Variants in SCML4 observed in about 807,000 individuals in gnomAD.
SCML4 encodes Scm polycomb group protein like 4, also known as sex comb on midleg-like protein 4.
A neutral mutation model predicts 41.1 loss-of-function variants in SCML4; 34 were observed. That is an observed-to-expected ratio of 0.83 (90% CI 0.63 to 1.10). The LOEUF is 1.10. SCML4 is among the 50% of genes least tolerant of loss of function. The pLI is 0.00. For missense variants in SCML4, 522 were observed against 534.1 expected, an observed-to-expected ratio of 0.98 and a Z score of 0.22; for synonymous variants, 214 against 220.9, an observed-to-expected ratio of 0.97 and a Z score of 0.28.
At chr6:107,711,721 A>G (rs373289730) in intron 6 of SCML4, among the ~76,000 whole-genome samples, 1 of 152,224 alleles carries the variant, frequency 6.6e-6, no homozygotes, top group Non-Finnish European at 1.5e-5. Context: ...AAGGCTAGAA[A>G]AAAGACAAGG....
At chr6:107,786,273 T>C (rs1772085306) in intron 1 of SCML4, among the ~76,000 whole-genome samples, 1 of 152,200 alleles carries the variant, frequency 6.6e-6, no homozygotes, top group Admixed American at 6.5e-5. Context: ...CATTACTTGT[T>C]CTTTGCTCAG....
the SCML4 span, among the ~76,000 whole-genome samples, chr6:107,841,156 TAA>T: frequency 8.9e-3 from 1,322 of 148,924 alleles, 12 homozygotes; most frequent in African/African-American, 0.019. Context: ...TATAAACTGC[TAA>T]AAAAAAAAAA....
At chr6:107,716,062 C>T (rs761539767) in intron 6 of SCML4, among the ~76,000 whole-genome samples, 14 of 152,274 alleles carry the variant, frequency 9.2e-5, no homozygotes, top group African/African-American at 2.2e-4. Context: ...TGGGTGAGGA[C>T]GCTGGCGGTT....
chr6:107,806,026 C>G (rs1057217935), intron 1 of SCML4, among the ~76,000 whole-genome samples: 18 of 152,158 alleles, frequency 1.2e-4, no homozygotes, highest in African/African-American at 3.4e-4. Context: ...CTTCTCTTCC[C>G]TTGTTTCCTC....
chr6:107,733,370 T>C (rs561124437), intron 5 of SCML4, among the ~76,000 whole-genome samples: 13 of 152,346 alleles, frequency 8.5e-5, no homozygotes, highest in Non-Finnish European at 1.8e-4. Context: ...ATCTGCCCAC[T>C]TCTCTGCCAG....
chr6:107,826,040 T>C (rs770680030), upstream of SCML4, among the ~76,000 whole-genome samples: 3 of 151,122 alleles, frequency 2.0e-5, no homozygotes, highest in Non-Finnish European at 4.4e-5. Flanking sequence ...GGTTAGGAGT[T>C]CGAGACCAGA....
intron 1 of SCML4, among the ~76,000 whole-genome samples, chr6:107,780,442 T>A (rs1296889704): frequency 6.6e-6 from 1 of 152,198 alleles, no homozygotes. Context: ...GTGTGGTGAC[T>A]CATGCCTGTA....
At chr6:107,749,563 C>T in intron 3 of SCML4, 121 bp downstream of exon 3, 1 of 1,183,870 alleles carries the variant, frequency 8.4e-7, no homozygotes, top group Non-Finnish European at 1.2e-6. Context: ...AGCTAGCACA[C>T]TAAATCGCTC....
chr6:107,723,310 T>A lies in SCML4; in HGVS notation c.683-2317A>T, dbSNP rs112503662. On this transcript the variant is annotated intron_variant, in intron 5 of 7. Coordinates refer to ENST00000369020, the MANE Select transcript of SCML4 (RefSeq NM_198081.5). ...TGACCTCAAACATGCTCAGAACACT[T>A]ACATTAGCCTACAGTTGGACAAAAT... 1.1e-3 allele frequency among the ~76,000 whole-genome samples: 161 copies of A among 152,306 alleles called. 3 individuals are homozygous for A. The highest frequency in any genetic ancestry group is 3.7e-3 in the African/African-American group (152 of 41,582).
chr6:107,800,203 T>A (rs746168915), intron 1 of SCML4, among the ~76,000 whole-genome samples: 5 of 152,204 alleles, frequency 3.3e-5, no homozygotes, highest in Non-Finnish European at 7.4e-5. Context: ...GGTAACATTT[T>A]CCGCCTTCTT....
At chr6:107,752,507 C>T (rs141906764) in intron 2 of SCML4, among the ~76,000 whole-genome samples, 47 of 151,900 alleles carry the variant, frequency 3.1e-4, no homozygotes, top group African/African-American at 8.9e-4. Context: ...GATTCCAACA[C>T]GAAGAGCCTG....
chr6:107,787,066 G>A (rs923484060), intron 1 of SCML4, among the ~76,000 whole-genome samples: 1 of 152,198 alleles, frequency 6.6e-6, no homozygotes, highest in Non-Finnish European at 1.5e-5. Context: ...CTGTCTCCCT[G>A]TGTCGGCCCT....
rs1486285607 is a variant in SCML4, at chr6:107,704,030, G to A, written c.*1170C>T. ...TCCGTCTCTGGACACAGCTGCAAAG[G>A]AGCAGAAAATCAATTTTTTCTATTA... On this transcript the variant is annotated 3_prime_UTR_variant, in exon 8 of 8. Transcript: ENST00000369020. 6.6e-6 allele frequency: 1 copy of A among 152,188 alleles called. No individual in the cohort carries two copies. Among genetic ancestry groups the A allele is most frequent in the African/African-American group, 2.4e-5 (1 of 41,446 alleles). 9.4% of individuals were successfully genotyped at this position (152,188 alleles called of 1,614,324 possible). A position where few individuals can be genotyped will look rare whatever the true frequency, so the allele number is the denominator to read the frequency against.
chr6:107,728,851 G>T (rs1266905952), intron 5 of SCML4, among the ~76,000 whole-genome samples: 1 of 152,178 alleles, frequency 6.6e-6, no homozygotes, highest in Non-Finnish European at 1.5e-5. Flanking sequence ...CTGTAAAGTG[G>T]CTCCTGGGTG....
intron 5 of SCML4, among the ~76,000 whole-genome samples, chr6:107,736,520 A>G (rs1777084442): frequency 6.6e-6 from 1 of 152,182 alleles, no homozygotes; most frequent in African/African-American, 2.4e-5. Context: ...GTGTGGCTCT[A>G]AACAAGTGAC....
At chr6:107,811,765 G>A (rs1185219597) in intron 1 of SCML4, among the ~76,000 whole-genome samples, 1 of 152,144 alleles carries the variant, frequency 6.6e-6, no homozygotes, top group Non-Finnish European at 1.5e-5. Context: ...AGTGCGCAGT[G>A]GGGAAGTGAA....
In SCML4 at chr6:107,781,927, C is replaced by T. The variant is rs570726895; in HGVS notation, c.-59-9541G>A. ...CTCAGGTCCTAGTAATGGGCCCTCG[C>T]TGTGAGGGAAGACTCTGAAAGCCTG... On this transcript the variant is annotated intron_variant, in intron 1 of 7. Transcript: ENST00000369020. Among the ~76,000 whole-genome samples the T allele has an allele frequency of 9.2e-5, 14 of 152,278 alleles. No homozygotes were observed. In the South Asian group the frequency reaches 2.9e-3, roughly 32 times the overall value.
chr6:107,741,462 T>A (rs533188769), intron 5 of SCML4, among the ~76,000 whole-genome samples: 1 of 152,216 alleles, frequency 6.6e-6, no homozygotes, highest in South Asian at 2.1e-4. Flanking sequence ...GCATTGAGAG[T>A]GCCCGAAGGG....
At chr6:107,762,876 CTTTTTTTTTT>C (rs57370632) in intron 2 of SCML4, among the ~76,000 whole-genome samples, 11 of 89,656 alleles carry the variant, frequency 1.2e-4, no homozygotes, top group African/African-American at 1.9e-4. Context: ...TAAATGCACT[CTTTTTTTTTT>C]TTTTTTTTTT....
Sources: allele counts gnomAD v4.1 joint callset (sites outside exome capture counted in the v4.1 genomes callset), GRCh38; gene constraint gnomAD v4.1.1; transcripts MANE v1.5; gene names NCBI Gene and HGNC (gene_info 2026-07-23, HGNC 2026-07-21).